UBASH3B: variants seen among roughly 807,000 people sequenced by gnomAD.
The protein encoded by UBASH3B is ubiquitin-associated and SH3 domain-containing protein B.
UBASH3B carries 37 observed loss-of-function variants against 83.4 expected under a neutral mutation model. That is an observed-to-expected ratio of 0.44 (90% confidence interval 0.34 to 0.58). The LOEUF is 0.58. Among genes scored for constraint, UBASH3B ranks in the 20% least tolerant of loss-of-function variants. The pLI is 0.01. For synonymous variants in UBASH3B, 304 were observed against 318.3 expected (o/e 0.96, Z 0.48); for missense variants, 657 against 827.2 (o/e 0.79, Z 2.52).
intron 10 of UBASH3B, among the ~76,000 whole-genome samples, chr11:122,800,485 C>T (rs1413403768): frequency 2.0e-5 from 3 of 150,638 alleles, no homozygotes; most frequent in Non-Finnish European, 3.0e-5. Flanking sequence ...ACCCAGGAGG[C>T]GGAGGTTGCA....
At chr11:122,785,465 G>A (rs540582521) in intron 5 of UBASH3B, among the ~76,000 whole-genome samples, 1 of 152,314 alleles carries the variant, frequency 6.6e-6, no homozygotes, top group South Asian at 2.1e-4. Context: ...AAGGCACCGT[G>A]ATGCTTAGGA....
chr11:122,799,228 T>A (rs113735401), intron 10 of UBASH3B, among the ~76,000 whole-genome samples, 194 bp downstream of exon 10: 2,078 of 152,220 alleles, frequency 0.014, 11 homozygotes, highest in Non-Finnish European at 0.022. Context: ...CGGTGGCTCA[T>A]GCCTGTAATC....
Position 122,677,079 on chromosome 11 carries a change from GA to G in UBASH3B, c.161+20874del, listed in dbSNP as rs1021268137. Reference sequence around the variant, plus strand: ...AATTGCAAATCAAAAATATTGGGGGGAAAAATTGCATGTGTACTGAACATGA... The same window carrying G: ...AATTGCAAATCAAAAATATTGGGGGGAAAATTGCATGTGTACTGAACATGA... On this transcript the variant is annotated intron_variant, in intron 1 of 13. Transcript: ENST00000284273. 3.3e-5 allele frequency among the ~76,000 whole-genome samples: 5 copies of G among 152,256 alleles called. No individual in the cohort carries two copies. In the East Asian group the frequency reaches 7.7e-4, roughly 23 times the overall value.
At chr11:122,680,358 C>T (rs1591765901) in intron 1 of UBASH3B, among the ~76,000 whole-genome samples, 1 of 152,222 alleles carries the variant, frequency 6.6e-6, no homozygotes, top group East Asian at 1.9e-4. Flanking sequence ...ATTTTCAGAT[C>T]AGGAAATAGA....
At chr11:122,688,936 G>GC (rs1422379141) in intron 1 of UBASH3B, among the ~76,000 whole-genome samples, 8 of 149,824 alleles carry the variant, frequency 5.3e-5, no homozygotes, top group African/African-American at 1.5e-4. Context: ...GAGCCACCGC[G>GC]CCCGGCTAAT....
At position 122,783,152 on chromosome 11, in the gene UBASH3B, T is replaced by C. The variant is rs371930507; in HGVS notation, c.701T>C (p.Ile234Thr). Residue 234 changes from isoleucine (I) to threonine (T), a missense_variant, in exon 5 of 14, where the codon ATT becomes ACT. Physicochemically the swap from Ile to Thr is moderately conservative, Grantham distance 89. Around this residue, in one of 3 missense-constraint regions of UBASH3B, gnomAD observed 573 missense variants for 739.0 expected, o/e 0.78. Transcript: ENST00000284273. ...LPTLEKLAQN[I>T]DVKLGCDWVA... ...ACCCTAGAGAAACTGGCCCAGAACATTGACGTCAAGCTAGGGTGTGACTGG... is the reference window on the plus strand; with the variant it reads ...ACCCTAGAGAAACTGGCCCAGAACACTGACGTCAAGCTAGGGTGTGACTGG... The C allele has an allele frequency of 1.2e-6, 2 of 1,613,982 alleles. No homozygotes were observed. The highest frequency in any genetic ancestry group is 1.3e-5 in the African/African-American group (1 of 74,910).
chr11:122,699,531 C>CTCTTTCTTTCTTTCTTTCTTTCTTTCTT (rs60346108), intron 1 of UBASH3B, among the ~76,000 whole-genome samples: 31 of 107,936 alleles, frequency 2.9e-4, no homozygotes, highest in African/African-American at 8.8e-4. Flanking sequence ...TTCTTTCTTT[C>CTCTTTCTTTCTTTCTTTCTTTCTTTCTT]TCTTTCTTTC....
intron 1 of UBASH3B, among the ~76,000 whole-genome samples, chr11:122,674,853 T>A (rs943990275): frequency 1.3e-5 from 2 of 150,716 alleles, no homozygotes; most frequent in African/African-American, 4.9e-5. Context: ...CTCAGCCTCC[T>A]GAGGAGCTGG....
Position 122,808,230 on chromosome 11 carries a change from A to G in UBASH3B, c.1812+54A>G, listed in dbSNP as rs112126732. ...TGATGGCTAGTAGTTTGAAGTCAGTACAGTGACTGGCTGATTACCAAGTTC... is the reference window on the plus strand; with the variant it reads ...TGATGGCTAGTAGTTTGAAGTCAGTGCAGTGACTGGCTGATTACCAAGTTC... On this transcript the variant is annotated intron_variant, in intron 13 of 13. Coordinates refer to ENST00000284273, the MANE Select transcript of UBASH3B (RefSeq NM_032873.5). The G allele has an allele frequency of 1.0e-5, 14 of 1,344,452 alleles. 1 individual carries two copies. The highest frequency in any genetic ancestry group is 7.2e-5 in the African/African-American group (5 of 69,660). The allele number at this position is 1,344,452 out of a possible 1,614,324, so 83.3% of individuals were successfully genotyped here.
intron 1 of UBASH3B, among the ~76,000 whole-genome samples, chr11:122,744,655 G>T (rs1232197788): frequency 2.0e-5 from 3 of 152,040 alleles, no homozygotes; most frequent in Non-Finnish European, 4.4e-5. Flanking sequence ...GCAAGTGTAT[G>T]ATCAAATGTG....
chr11:122,688,246 T>TCTTC (rs1259610040), intron 1 of UBASH3B, among the ~76,000 whole-genome samples: 1 of 151,902 alleles, frequency 6.6e-6, no homozygotes, highest in Non-Finnish European at 1.5e-5. Context: ...TTTCTTTCTT[T>TCTTC]CTTCCTTCCC....
chr11:122,784,221 G>A (rs769951746), intron 5 of UBASH3B, among the ~76,000 whole-genome samples: 29 of 152,240 alleles, frequency 1.9e-4, no homozygotes, highest in Admixed American at 4.6e-4. Context: ...AGCGTGAGCC[G>A]CAGCACCTGG....
chr11:122,807,582 C>T lies in UBASH3B; in HGVS notation c.1703-485C>T, dbSNP rs191247063. On this transcript the variant is annotated intron_variant, in intron 12 of 13. Transcript: ENST00000284273. ...TTATTATTTTTGAGACAGGGTCTTGCTCCTGACACTCAGGCTGGAGCGCAG... is the reference window on the plus strand; with the variant it reads ...TTATTATTTTTGAGACAGGGTCTTGTTCCTGACACTCAGGCTGGAGCGCAG... Among the ~76,000 whole-genome samples the T allele has an allele frequency of 5.9e-5, 9 of 152,192 alleles. No individual in the cohort carries two copies. In the East Asian group the frequency reaches 1.7e-3, roughly 30 times the overall value.
At chr11:122,792,108 T>C (rs1220962570) in intron 6 of UBASH3B, among the ~76,000 whole-genome samples, 1 of 152,106 alleles carries the variant, frequency 6.6e-6, no homozygotes, top group African/African-American at 2.4e-5. Context: ...CCTTTGATTA[T>C]AATGACAGTT....
At chr11:122,688,587 C>A (rs922560027) in intron 1 of UBASH3B, among the ~76,000 whole-genome samples, 2 of 149,788 alleles carry the variant, frequency 1.3e-5, no homozygotes, top group Non-Finnish European at 3.0e-5. Context: ...GCTGGGACTA[C>A]AGACGCCCGC....
chr11:122,773,899 T>C, intron 1 of UBASH3B: 1 of 832,562 alleles, frequency 1.2e-6, no homozygotes, highest in Non-Finnish European at 1.4e-6. Context: ...TTGAATTCCT[T>C]ATATAAATAG....
chr11:122,751,937 C>A (rs1395110367), intron 1 of UBASH3B, among the ~76,000 whole-genome samples: 5 of 152,004 alleles, frequency 3.3e-5, no homozygotes. Flanking sequence ...CAAAGAAGAG[C>A]CACAAGTAAC....
At chr11:122,658,512 C>G (rs1252663240) in intron 1 of UBASH3B, among the ~76,000 whole-genome samples, 1 of 152,152 alleles carries the variant, frequency 6.6e-6, no homozygotes, top group Non-Finnish European at 1.5e-5. Flanking sequence ...CCATACTGTT[C>G]TAAGTACTTA....
At chr11:122,679,263 T>C (rs761221083) in intron 1 of UBASH3B, among the ~76,000 whole-genome samples, 1 of 152,216 alleles carries the variant, frequency 6.6e-6, no homozygotes, top group Non-Finnish European at 1.5e-5. Flanking sequence ...GAAATCCTGG[T>C]GCACCAACGC....
Sources: gnomAD v4.1 joint callset for allele counts (sites outside exome capture counted in the v4.1 genomes callset) on GRCh38, gnomAD v4.1.1 for gene constraint, gnomAD v4.1.1 regional missense constraint, MANE v1.5 for transcripts, NCBI Gene and HGNC (gene_info 2026-07-23, HGNC 2026-07-21) for gene names.